DCC: variants seen among roughly 807,000 people sequenced by gnomAD.
The protein encoded by DCC is netrin receptor DCC.
DCC carries 58 observed loss-of-function variants against 172.5 expected under a neutral mutation model. The observed-to-expected ratio is 0.34, with a 90% CI of 0.27 to 0.42. DCC has a LOEUF of 0.42. Among genes scored for constraint, DCC ranks in the 10% least tolerant of loss-of-function variants. The probability of loss-of-function intolerance (pLI) is 1.00; values close to 1 mark genes in which losing one functional copy is unlikely to be tolerated. For synonymous variants in DCC, 709 were observed against 644.5 expected, an observed-to-expected ratio of 1.10 and a Z score of -1.52; for missense variants, 1,740 against 1,791.0, an observed-to-expected ratio of 0.97 and a Z score of 0.51.
intron 2 of DCC, among the ~76,000 whole-genome samples, chr18:52,819,840 T>A (rs773557947): frequency 6.6e-6 from 1 of 152,018 alleles, no homozygotes; most frequent in Non-Finnish European, 1.5e-5. Flanking sequence ...TGCCTCAGCC[T>A]CCTGAGTAGC....
intron 27 of DCC, among the ~76,000 whole-genome samples, chr18:53,513,781 C>T (rs1258223629): frequency 6.7e-6 from 1 of 149,342 alleles, no homozygotes. Flanking sequence ...AATATATATG[C>T]ACCCAATACA....
chr18:52,620,114 G>A lies in DCC; in HGVS notation c.92-131940G>A, dbSNP rs936318797. On this transcript the variant is annotated intron_variant, in intron 1 of 28. Transcript: ENST00000442544. ...TTTGCCAGTTAATTAAATGGCTCAG[G>A]CATGTCATTTTGGAAAAGCTTTGGA... Among the ~76,000 whole-genome samples, 4 of 152,290 alleles carry A rather than the reference G, an allele frequency of 2.6e-5. No homozygotes were observed. The South Asian group carries it at 8.3e-4, about 32-fold the overall frequency.
chr18:52,650,553 TTTTGTTTG>T (rs765527388), intron 1 of DCC, among the ~76,000 whole-genome samples: 1 of 152,210 alleles, frequency 6.6e-6, no homozygotes, highest in East Asian at 1.9e-4. Context: ...TTTGTTTTGG[TTTTGTTTG>T]TTTGTTTGTT....
In DCC at chr18:53,260,857, C is replaced by T. The variant is rs113201064; in HGVS notation, c.1912-44721C>T. Among the ~76,000 whole-genome samples, 194 of 152,232 alleles carry T rather than the reference C, an allele frequency of 1.3e-3. 1 individual carries two copies. Among genetic ancestry groups the T allele is most frequent in the African/African-American group, 4.1e-3 (171 of 41,554 alleles). ...GAACTGTGGTGGGCTCCACCCTGTT[C>T]GAGCTTCAGGGCCGCTTTGTTTACC... is the stretch of plus-strand genomic sequence containing the variant. On this transcript the variant is annotated intron_variant, in intron 12 of 28. Transcript: ENST00000442544.
chr18:53,185,337 A>G (rs1017494941), intron 9 of DCC, among the ~76,000 whole-genome samples: 2 of 152,200 alleles, frequency 1.3e-5, no homozygotes, highest in African/African-American at 4.8e-5. Context: ...GAAGACTTCA[A>G]AGCAAATGTG....
At chr18:52,569,085 G>A (rs916658759) in intron 1 of DCC, among the ~76,000 whole-genome samples, 9 of 152,302 alleles carry the variant, frequency 5.9e-5, no homozygotes, top group Admixed American at 3.9e-4. Flanking sequence ...TGATAAGTCT[G>A]TGTAATAACA....
Position 52,887,976 on chromosome 18 carries a change from G to T in DCC, c.413-18068G>T, listed in dbSNP as rs182757294. On this transcript the variant is annotated intron_variant, in intron 2 of 28. Transcript: ENST00000442544. Reference sequence around the variant, plus strand: ...TAGCCTTTGAAAGAAAGTCTCTTAAGACACTGAAAATGCACTTTCAATTAG... The same window carrying T: ...TAGCCTTTGAAAGAAAGTCTCTTAATACACTGAAAATGCACTTTCAATTAG... Among the ~76,000 whole-genome samples the T allele has an allele frequency of 3.3e-5, 5 of 152,284 alleles. No individual in the cohort carries two copies. The East Asian group carries it at 9.6e-4, about 29-fold the overall frequency.
chr18:52,363,623 G>A (rs1007298348), intron 1 of DCC, among the ~76,000 whole-genome samples: 1 of 152,000 alleles, frequency 6.6e-6, no homozygotes, highest in African/African-American at 2.4e-5. Flanking sequence ...AAGGGCACAA[G>A]GCCAAAAAAG....
At chr18:53,269,637 T>C (rs973592874) in intron 12 of DCC, among the ~76,000 whole-genome samples, 4 of 152,204 alleles carry the variant, frequency 2.6e-5, no homozygotes, top group Non-Finnish European at 5.9e-5. Context: ...AAGTCGTCTA[T>C]GTATATTGTA....
At chr18:53,067,479 A>G (rs186295509) in intron 7 of DCC, among the ~76,000 whole-genome samples, 1 of 152,292 alleles carries the variant, frequency 6.6e-6, no homozygotes, top group Admixed American at 6.5e-5. Flanking sequence ...CTATGATCAC[A>G]CTACTGCACT....
chr18:52,802,215 T>C (rs998097380), intron 2 of DCC, among the ~76,000 whole-genome samples: 3 of 152,124 alleles, frequency 2.0e-5, no homozygotes, highest in African/African-American at 7.2e-5. Context: ...GCCATACAGA[T>C]GAGGCAGTAG....
intron 1 of DCC, among the ~76,000 whole-genome samples, chr18:52,413,426 T>G (rs1210207503): frequency 6.7e-6 from 1 of 148,592 alleles, no homozygotes; most frequent in African/African-American, 2.5e-5. Flanking sequence ...TACTTTTGCA[T>G]CTATCTAATC....
chr18:52,801,643 G>C (rs1054882165), intron 2 of DCC, among the ~76,000 whole-genome samples: 1 of 152,114 alleles, frequency 6.6e-6, no homozygotes, highest in Non-Finnish European at 1.5e-5. Flanking sequence ...AGTATATTTT[G>C]AATCTTACAG....
intron 2 of DCC, among the ~76,000 whole-genome samples, chr18:52,801,392 T>C (rs1433071220): frequency 6.6e-6 from 1 of 152,194 alleles, no homozygotes; most frequent in Non-Finnish European, 1.5e-5. Flanking sequence ...TTTATATGGA[T>C]TAACTCAATT....
chr18:53,355,692 A>C (rs377127736), intron 15 of DCC, among the ~76,000 whole-genome samples: 6 of 152,114 alleles, frequency 3.9e-5, no homozygotes, highest in African/African-American at 1.4e-4. Context: ...GGGTTTTCTA[A>C]CTATAAAATC....
At chr18:53,115,936 G>A (rs1228041366) in intron 7 of DCC, among the ~76,000 whole-genome samples, 1 of 151,396 alleles carries the variant, frequency 6.6e-6, no homozygotes, top group South Asian at 2.1e-4. Context: ...AATGGACCAG[G>A]GACAAATCCT....
intron 9 of DCC, among the ~76,000 whole-genome samples, chr18:53,202,793 C>A (rs2055560845): frequency 6.6e-6 from 1 of 152,112 alleles, no homozygotes; most frequent in African/African-American, 2.4e-5. Flanking sequence ...ATTTACATTT[C>A]ATTTGTCTGA....
intron 1 of DCC, among the ~76,000 whole-genome samples, chr18:52,387,603 C>T (rs1985858702): frequency 6.7e-6 from 1 of 150,202 alleles, no homozygotes; most frequent in East Asian, 2.0e-4. Flanking sequence ...TCCTTCCTTC[C>T]TTCCTTCCTT....
At chr18:53,377,920 C>A (rs1004905795) in intron 15 of DCC, among the ~76,000 whole-genome samples, 44 of 152,160 alleles carry the variant, frequency 2.9e-4, no homozygotes, top group African/African-American at 1.1e-3. Context: ...ACAGAGAATG[C>A]TCTCTGATTC....
Sources: allele counts gnomAD v4.1 joint callset (sites outside exome capture counted in the v4.1 genomes callset), GRCh38; gene constraint gnomAD v4.1.1; transcripts MANE v1.5; gene names NCBI Gene and HGNC (gene_info 2026-07-23, HGNC 2026-07-21).